The following GALNTL5 variants were observed in gnomAD, a reference collection of about 807,000 sequenced individuals.
GALNTL5 encodes inactive polypeptide N-acetylgalactosaminyltransferase-like protein 5.
In GALNTL5, 44 loss-of-function variants were observed where a neutral mutation model predicts 51.0. That is an observed-to-expected ratio of 0.86 (90% CI 0.68 to 1.11). The LOEUF is 1.11. Ranked by LOEUF, GALNTL5 falls within the 50% of genes least tolerant of loss-of-function variation. The probability of loss-of-function intolerance (pLI) is 0.00; values close to 1 mark genes in which losing one functional copy is unlikely to be tolerated. For missense variants in GALNTL5, 528 were observed against 531.8 expected (o/e 0.99, Z 0.07); for synonymous variants, 192 against 182.8 (o/e 1.05, Z -0.41).
intron 7 of GALNTL5, among the ~76,000 whole-genome samples, chr7:152,013,941 T>G (rs930991590): frequency 2.6e-5 from 4 of 152,222 alleles, no homozygotes; most frequent in Non-Finnish European, 5.9e-5. Flanking sequence ...GTGAGCAACA[T>G]AAGGAGTTTT....
At chr7:152,017,970 G>A (rs749868473) in intron 8 of GALNTL5, among the ~76,000 whole-genome samples, 3 of 151,850 alleles carry the variant, frequency 2.0e-5, no homozygotes, top group African/African-American at 4.8e-5. Context: ...TCAGCCTCCC[G>A]AATAGCTGGG....
intron 6 of GALNTL5, among the ~76,000 whole-genome samples, chr7:152,006,002 G>A (rs536153652): frequency 6.6e-6 from 1 of 152,284 alleles, no homozygotes; most frequent in Admixed American, 6.5e-5. Context: ...GAGTGGAGAA[G>A]TGTAGAGGAC....
chr7:151,967,303 G>A lies in GALNTL5; in HGVS notation c.57G>A (p.Trp19Ter). Residue 19 changes from tryptophan to a stop codon, truncating the protein, a stop_gained, in exon 2 of 9, where the codon TGG becomes TGA. Coordinates refer to ENST00000392800, the MANE Select transcript of GALNTL5 (RefSeq NM_145292.4). LOFTEE classifies it high-confidence loss of function. The part of the protein sequence containing the change: ...LFYGSLTFGI[W>*]TALLFIYLHH... ...ATGGGTCCTTGACATTTGGGATCTG[G>A]ACAGCTCTGTTATTCATATATTTGC... The A allele has an allele frequency of 6.2e-7, 1 of 1,613,962 alleles. No individual in the cohort carries two copies. The highest frequency in any genetic ancestry group is 8.5e-7 in the Non-Finnish European group (1 of 1,179,870).
chr7:152,007,609 G>A (rs760944891), intron 6 of GALNTL5, among the ~76,000 whole-genome samples: 5 of 151,596 alleles, frequency 3.3e-5, no homozygotes, highest in Admixed American at 6.6e-5. Context: ...TAGTAGAGAC[G>A]GGGTTTCACT....
rs777776589 is a variant in GALNTL5 at position 151,971,063 on chromosome 7, A to G, written c.366A>G (p.Lys122=). ...IEREVPDTRS[K]MCLQKHYPAR... ...GAGAAGTGCCAGATACCAGGAGTAA[A>G]ATGTATGTTGTCTCTCTCTTTCTCT... is the stretch of plus-strand genomic sequence containing the variant. Residue 122 remains lysine (K), a splice_region_variant and synonymous_variant, in exon 3 of 9, where the codon AAA becomes AAG. Transcript: ENST00000392800. The G allele has an allele frequency of 6.2e-7, 1 of 1,607,190 alleles. No individual in the cohort carries two copies. Among genetic ancestry groups the G allele is most frequent in the Non-Finnish European group, 8.5e-7 (1 of 1,174,726 alleles).
At position 152,014,672 on chromosome 7, in the gene GALNTL5, T is replaced by C; in HGVS notation, c.1055T>C (p.Ile352Thr). 1.9e-6 allele frequency: 3 copies of C among 1,612,096 alleles called. No homozygotes were observed. The highest frequency in any genetic ancestry group is 1.7e-6 in the Non-Finnish European group (2 of 1,179,316). The change falls in exon 8 of 9, where the codon ATA (isoleucine) becomes ACA (threonine). Residue 352 changes from isoleucine to threonine, a missense_variant. By Grantham distance (89) the Ile-to-Thr change is moderately conservative. Transcript: ENST00000392800. ...RIWMCGGQLFIIPCSRVGHIS... is the reference protein window; with the variant it reads ...RIWMCGGQLFTIPCSRVGHIS... ...TGGATGTGTGGAGGCCAACTCTTTATAATCCCCTGCTCTCGAGTAGGACAT... is the reference window on the plus strand; with the variant it reads ...TGGATGTGTGGAGGCCAACTCTTTACAATCCCCTGCTCTCGAGTAGGACAT...
At position 152,002,856 on chromosome 7, in the gene GALNTL5, G is replaced by A; in HGVS notation, c.801G>A (p.Lys267=). Residue 267 remains lysine, a synonymous_variant, in exon 6 of 9, where the codon AAG becomes AAA. Transcript: ENST00000392800. Reference sequence around the variant, plus strand: ...TTGATGATAGAACTCTGGAGTATAAGCCCTCTCCTCTTGTAAGGGGAACTT... The same window carrying A: ...TTGATGATAGAACTCTGGAGTATAAACCCTCTCCTCTTGTAAGGGGAACTT... ...DVIDDRTLEY[K]PSPLVRGTFD... 3 of 1,614,154 alleles carry A rather than the reference G, an allele frequency of 1.9e-6. No individual in the cohort carries two copies. Among genetic ancestry groups the A allele is most frequent in the Non-Finnish European group, 2.5e-6 (3 of 1,180,018 alleles).
intron 6 of GALNTL5, among the ~76,000 whole-genome samples, chr7:152,007,608 C>T (rs1304822646): frequency 6.6e-6 from 1 of 151,488 alleles, no homozygotes; most frequent in African/African-American, 2.4e-5. Context: ...TTAGTAGAGA[C>T]GGGGTTTCAC....
chr7:151,981,729 ACTT>A (rs2081294456), intron 3 of GALNTL5, among the ~76,000 whole-genome samples: 1 of 143,038 alleles, frequency 7.0e-6, no homozygotes, highest in South Asian at 2.2e-4. Context: ...GCTCACTACA[ACTT>A]CTCTCTCCCA....
rs148629863 is a variant in GALNTL5, at chr7:151,992,449, G to T, written c.658+5168G>T. On this transcript the variant is annotated intron_variant, in intron 5 of 8. Transcript: ENST00000392800. ...ACTCCTTCTGAGACCTGCAGGGGAG[G>T]CTCCTTCCCTGCCTCTTCAGCTTCT... Among the ~76,000 whole-genome samples, 256 of 152,276 alleles carry T rather than the reference G, an allele frequency of 1.7e-3. 6 individuals are homozygous for T. In the East Asian group the frequency reaches 0.047, roughly 28 times the overall value.
intron 5 of GALNTL5, among the ~76,000 whole-genome samples, chr7:152,000,526 C>T (rs2081561312): frequency 6.6e-6 from 1 of 152,202 alleles, no homozygotes; most frequent in Non-Finnish European, 1.5e-5. Context: ...TCCCACCCAT[C>T]ATTCCCAACA....
intron 5 of GALNTL5, among the ~76,000 whole-genome samples, chr7:151,991,792 C>G (rs986167526): frequency 6.6e-6 from 1 of 152,044 alleles, no homozygotes; most frequent in African/African-American, 2.4e-5. Flanking sequence ...AGTGTCTTAG[C>G]TAGGATTGTC....
At chr7:151,969,418 A>G (rs965583350) in intron 2 of GALNTL5, among the ~76,000 whole-genome samples, 1 of 152,200 alleles carries the variant, frequency 6.6e-6, no homozygotes, top group Non-Finnish European at 1.5e-5. Context: ...CACCCATCCA[A>G]ACCCAATGAA....
At chr7:151,957,417 C>A (rs35850980) in intron 1 of GALNTL5, among the ~76,000 whole-genome samples, 30,957 of 149,436 alleles carry the variant, frequency 0.21, 3,682 homozygotes, top group Admixed American at 0.31. Flanking sequence ...TGGTGGCACT[C>A]ACCAGCCTGT....
At chr7:151,992,112 T>C (rs2081435301) in intron 5 of GALNTL5, among the ~76,000 whole-genome samples, 1 of 152,212 alleles carries the variant, frequency 6.6e-6, no homozygotes, top group South Asian at 2.1e-4. Context: ...TTTGATCTTG[T>C]AAATAGAAAC....
At chr7:152,008,911 C>G (rs1342298075) in intron 7 of GALNTL5, among the ~76,000 whole-genome samples, 1 of 152,134 alleles carries the variant, frequency 6.6e-6, no homozygotes, top group East Asian at 1.9e-4. Flanking sequence ...CTTTCAGGAT[C>G]TAATAACTGT....
chr7:151,992,742 G>A (rs1444570155), intron 5 of GALNTL5, among the ~76,000 whole-genome samples: 3 of 152,154 alleles, frequency 2.0e-5, no homozygotes, highest in East Asian at 1.9e-4. Context: ...AGTTCAACCC[G>A]TAGCACTACG....
intron 7 of GALNTL5, among the ~76,000 whole-genome samples, chr7:152,009,950 T>A (rs761631478): frequency 2.6e-5 from 4 of 152,188 alleles, no homozygotes; most frequent in Non-Finnish European, 5.9e-5. Context: ...AATCTAGCCA[T>A]CATTTAAGGA....
intron 4 of GALNTL5, among the ~76,000 whole-genome samples, chr7:151,983,550 G>A (rs184688748): frequency 6.6e-6 from 1 of 152,098 alleles, no homozygotes; most frequent in African/African-American, 2.4e-5. Flanking sequence ...TCTTTTTGGT[G>A]GGTATTGGGG....
Sources: allele counts gnomAD v4.1 joint callset (sites outside exome capture counted in the v4.1 genomes callset), GRCh38; gene constraint gnomAD v4.1.1; transcripts MANE v1.5; gene names NCBI Gene and HGNC (gene_info 2026-07-23, HGNC 2026-07-21).